Variants in SLC2A7 observed in about 807,000 individuals in gnomAD.
SLC2A7 encodes solute carrier family 2 member 7, also known as solute carrier family 2, facilitated glucose transporter member 7.
In SLC2A7, 50 loss-of-function variants were observed where a neutral mutation model predicts 50.5. The ratio of observed to expected loss-of-function variants is 0.99; its 90% CI spans 0.79 to 1.25. The LOEUF (loss-of-function observed/expected upper bound fraction) is 1.25, where lower values mean the gene tolerates loss of function less well. Among genes scored for constraint, SLC2A7 ranks in the 50% most tolerant of loss-of-function variants. The pLI is 0.00. For missense variants in SLC2A7, 683 were observed against 679.1 expected, an observed-to-expected ratio of 1.01 and a Z score of -0.06; for synonymous variants, 308 against 300.4, an observed-to-expected ratio of 1.03 and a Z score of -0.26.
downstream of SLC2A7, among the ~76,000 whole-genome samples, chr1:9,001,354 C>T (rs1201458424): frequency 2.0e-5 from 3 of 151,172 alleles, no homozygotes; most frequent in Non-Finnish European, 4.4e-5. Flanking sequence ...CTTATCATCT[C>T]GAGTGATAGA....
chr1:9,005,626 T>C (rs776453064), intron 10 of SLC2A7, among the ~76,000 whole-genome samples: 15 of 151,812 alleles, frequency 9.9e-5, no homozygotes, highest in Non-Finnish European at 2.2e-4. Context: ...GCCAACATGA[T>C]GAAACCCCAT....
At chr1:9,013,488 G>C (rs755367990) in intron 8 of SLC2A7, 37 bp downstream of exon 8, 23 of 1,586,014 alleles carry the variant, frequency 1.5e-5, no homozygotes, top group East Asian at 2.2e-5. Flanking sequence ...CCTGGCCAGA[G>C]ACCCTCCAGC....
chr1:9,020,527 C>T (rs1456457868), intron 3 of SLC2A7, among the ~76,000 whole-genome samples: 2 of 151,744 alleles, frequency 1.3e-5, no homozygotes, highest in Non-Finnish European at 2.9e-5. Context: ...GGTCCCCTGC[C>T]AACTTGCAGC....
chr1:9,023,483 TGTA>T (rs1640945253), intron 2 of SLC2A7, among the ~76,000 whole-genome samples: 1 of 152,020 alleles, frequency 6.6e-6, no homozygotes, highest in South Asian at 2.1e-4. Context: ...GGCGGGCGCC[TGTA>T]GTCCCAGCTA....
intron 8 of SLC2A7, 99 bp from the exon 9 acceptor site, chr1:9,010,343 C>CA: frequency 1.1e-6 from 1 of 884,446 alleles, no homozygotes; most frequent in Non-Finnish European, 1.8e-6. Flanking sequence ...CTTAGGTGCC[C>CA]CTTTCTTTCT....
chr1:8,995,800 C>T, the SLC2A7 span, among the ~76,000 whole-genome samples: 1 of 152,136 alleles, frequency 6.6e-6, no homozygotes, highest in African/African-American at 2.4e-5. Flanking sequence ...CACAGTCTTG[C>T]TTTGTGGCCC....
In SLC2A7 at chr1:9,025,256, A is replaced by T. The variant is rs1159996269; in HGVS notation, c.52-182T>A. On this transcript the variant is annotated intron_variant, in intron 1 of 11. Transcript: ENST00000400906. ...GGCTTTTGGGGGCTGAGGTCTCTGC[A>T]CGCATTCATTCCCTCCTTGAGGATG... is the stretch of plus-strand genomic sequence containing the variant. Among the ~76,000 whole-genome samples, 4 of 152,294 alleles carry T rather than the reference A, an allele frequency of 2.6e-5. No individual in the cohort carries two copies. In the East Asian group the frequency reaches 7.7e-4, roughly 29 times the overall value.
At chr1:9,010,935 G>A (rs1384826476) in intron 8 of SLC2A7, among the ~76,000 whole-genome samples, 1 of 152,216 alleles carries the variant, frequency 6.6e-6, no homozygotes, top group African/African-American at 2.4e-5. Flanking sequence ...CGCTGTCTGG[G>A]AGTGAGTGCC....
rs184406966 is a variant in SLC2A7, at chr1:9,015,623, T to C, written c.590-381A>G. 1.6e-4 allele frequency among the ~76,000 whole-genome samples: 24 copies of C among 152,138 alleles called. No individual in the cohort carries two copies. The East Asian group carries it at 4.6e-3, about 29-fold the overall frequency. On this transcript the variant is annotated intron_variant, in intron 5 of 11. Coordinates refer to ENST00000400906, the MANE Select transcript of SLC2A7 (RefSeq NM_207420.3). ...GCGCTGGGTCTGAGTGAGCTCCTTC[T>C]GGATGGCTTGGCCTAAGGAGGGGAA...
intron 8 of SLC2A7, among the ~76,000 whole-genome samples, chr1:9,013,210 G>A (rs1181078576): frequency 6.6e-6 from 1 of 152,066 alleles, no homozygotes; most frequent in African/African-American, 2.4e-5. Context: ...TGTATTTTTA[G>A]TAGAGACTGG....
chr1:9,023,024 C>T lies in SLC2A7; in HGVS notation c.205G>A (p.Asp69Asn). The change falls in exon 3 of 12, where the codon GAC (aspartate) becomes AAC (asparagine). Residue 69 changes from aspartate (D) to asparagine (N), a missense_variant. Transcript: ENST00000400906. The part of the protein sequence containing the change: ...TYFERHATFM[D>N]GKLMLLLWSC... ...CATAGAAGCAGCATGAGCTTCCCGT[C>T]CATGAATGTTGCGTGTCGCTCAAAG... The T allele has an allele frequency of 6.2e-7, 1 of 1,614,166 alleles. No individual in the cohort carries two copies.
At chr1:9,011,470 A>G (rs770154637) in intron 8 of SLC2A7, among the ~76,000 whole-genome samples, 4 of 152,348 alleles carry the variant, frequency 2.6e-5, no homozygotes, top group Non-Finnish European at 4.4e-5. Flanking sequence ...CCGGGTCAAC[A>G]TAGTAAGACC....
the SLC2A7 span, among the ~76,000 whole-genome samples, chr1:8,996,909 G>A: frequency 6.6e-6 from 1 of 151,992 alleles, no homozygotes; most frequent in Non-Finnish European, 1.5e-5. Flanking sequence ...CCAAGTAGCT[G>A]GGATTACAGG....
At position 9,015,106 on chromosome 1, in the gene SLC2A7, C is replaced by T. The variant is rs761728244; in HGVS notation, c.715+11G>A. On this transcript the variant is annotated intron_variant, in intron 6 of 11. Transcript: ENST00000400906. Reference sequence around the variant, plus strand: ...GGGCAGGGCCTGGGAGAGTAGCCGGCGACTTCATACCTTGTCGCGCTGTGG... The same window carrying T: ...GGGCAGGGCCTGGGAGAGTAGCCGGTGACTTCATACCTTGTCGCGCTGTGG... The T allele has an allele frequency of 1.7e-5, 27 of 1,610,482 alleles. No individual in the cohort carries two copies. Among genetic ancestry groups the T allele is most frequent in the South Asian group, 6.6e-5 (6 of 90,402 alleles).
chr1:9,012,743 G>C (rs953294048), intron 8 of SLC2A7, among the ~76,000 whole-genome samples: 1 of 152,174 alleles, frequency 6.6e-6, no homozygotes, highest in Non-Finnish European at 1.5e-5. Flanking sequence ...ATATCAAAGC[G>C]TAAGTAGCTC....
intron 7 of SLC2A7, 76 bp from the exon 8 acceptor site, chr1:9,013,711 C>A: frequency 7.8e-7 from 1 of 1,282,532 alleles, no homozygotes. Flanking sequence ...ACTCAAGCCA[C>A]ACACAGTTCT....
intron 10 of SLC2A7, among the ~76,000 whole-genome samples, chr1:9,005,618 C>T (rs1475731564): frequency 6.6e-6 from 1 of 151,818 alleles, no homozygotes; most frequent in African/African-American, 2.4e-5. Context: ...CCGGCCTGGC[C>T]AACATGATGA....
At chr1:9,002,024 G>T (rs1010868875), downstream of SLC2A7, among the ~76,000 whole-genome samples, 1 of 152,164 alleles carries the variant, frequency 6.6e-6, no homozygotes. Context: ...TGCAGGATGC[G>T]CCTTGTTAAA....
chr1:9,023,057 C>G lies in SLC2A7; in HGVS notation c.172G>C (p.Glu58Gln), dbSNP rs1445881119. The G allele has an allele frequency of 3.7e-6, 6 of 1,613,624 alleles. No homozygotes were observed. Among genetic ancestry groups the G allele is most frequent in the Non-Finnish European group, 5.1e-6 (6 of 1,179,746 alleles). ...PHKVFKSFYN[E>Q]TYFERHATFM... ...GTTGCGTGTCGCTCAAAGTAGGTTTCGTTGTAAAATGACTTGAAGACCTGG... is the reference window on the plus strand; with the variant it reads ...GTTGCGTGTCGCTCAAAGTAGGTTTGGTTGTAAAATGACTTGAAGACCTGG... The change falls in exon 3 of 12, where the codon GAA becomes CAA. Residue 58 changes from glutamate (E) to glutamine (Q), a missense_variant. Physicochemically the swap from Glu to Gln is conservative, Grantham distance 29 (BLOSUM62 2). Coordinates refer to ENST00000400906, the MANE Select transcript of SLC2A7 (RefSeq NM_207420.3).
Sources: allele counts gnomAD v4.1 joint callset (sites outside exome capture counted in the v4.1 genomes callset), GRCh38; gene constraint gnomAD v4.1.1; transcripts MANE v1.5; gene names NCBI Gene and HGNC (gene_info 2026-07-23, HGNC 2026-07-21).